The following NCOA2 variants were observed in gnomAD, a reference collection of about 807,000 sequenced individuals.
NCOA2 encodes class E basic helix-loop-helix protein 75.
In NCOA2, 21 loss-of-function variants were observed where a neutral mutation model predicts 145.1. The observed-to-expected ratio is 0.14, with a 90% CI of 0.10 to 0.21. NCOA2 has a LOEUF of 0.21. Ranked by LOEUF, NCOA2 falls within the 10% of genes least tolerant of loss-of-function variation. NCOA2 has a pLI of 1.00. For synonymous variants in NCOA2, 619 were observed against 637.5 expected (o/e 0.97, Z 0.44); for missense variants, 1,472 against 1,837.6 (o/e 0.80, Z 3.64).
intron 4 of NCOA2, among the ~76,000 whole-genome samples, chr8:70,197,192 T>C (rs1306359836): frequency 1.6e-4 from 24 of 152,238 alleles, no homozygotes; most frequent in Admixed American, 1.6e-3. Context: ...ATGGTGAACT[T>C]CAATATACTC....
intron 2 of NCOA2, among the ~76,000 whole-genome samples, chr8:70,287,949 T>A (rs540706794): frequency 1.3e-5 from 2 of 152,200 alleles, no homozygotes; most frequent in East Asian, 3.9e-4. Flanking sequence ...GTTTGTTTGT[T>A]TTAAGAGAAC....
chr8:70,426,839 C>T, the NCOA2 span, among the ~76,000 whole-genome samples: 3 of 152,166 alleles, frequency 2.0e-5, no homozygotes, highest in African/African-American at 7.2e-5. Context: ...CTTGCTGAGG[C>T]TGGAGTGCAG....
At chr8:70,305,719 T>C (rs1051622565) in intron 1 of NCOA2, among the ~76,000 whole-genome samples, 6 of 152,236 alleles carry the variant, frequency 3.9e-5, no homozygotes, top group African/African-American at 1.2e-4. Flanking sequence ...CCATAATGTT[T>C]TAATCAAACA....
the NCOA2 span, among the ~76,000 whole-genome samples, chr8:70,451,830 T>C: frequency 1.3e-5 from 2 of 152,234 alleles, no homozygotes; most frequent in East Asian, 3.8e-4. Context: ...GTTCTCTCCC[T>C]TCACTTATAA....
the NCOA2 span, among the ~76,000 whole-genome samples, chr8:70,454,091 A>G: frequency 6.6e-5 from 10 of 152,244 alleles, no homozygotes; most frequent in African/African-American, 2.2e-4. Flanking sequence ...GTTTTGCTTT[A>G]TATAATTGTA....
intron 1 of NCOA2, among the ~76,000 whole-genome samples, chr8:70,301,165 A>G (rs1276176633): frequency 2.0e-5 from 3 of 152,188 alleles, no homozygotes; most frequent in African/African-American, 7.2e-5. Flanking sequence ...CCAACCTGAA[A>G]ACTGCCTTCT....
In NCOA2 at chr8:70,163,703, C is replaced by A. The variant is rs1429611302; in HGVS notation, c.731-137G>T. 6.3e-6 allele frequency: 4 copies of A among 636,920 alleles called. No homozygotes were observed. The East Asian group carries it at 8.2e-5, about 13-fold the overall frequency. The allele number at this position is 636,920 out of a possible 1,614,324, so 39.5% of individuals were successfully genotyped here. A position where few individuals can be genotyped will look rare whatever the true frequency, so the allele number is the denominator to read the frequency against. On this transcript the variant is annotated intron_variant, in intron 7 of 22. Transcript: ENST00000452400. ...AGTGATGAAACACTATGTACCTGAG[C>A]TTCCTACTGGTTTTATTCTCTTCAT...
chr8:70,444,441 T>C, the NCOA2 span, among the ~76,000 whole-genome samples: 1 of 152,152 alleles, frequency 6.6e-6, no homozygotes. Context: ...GGTGGTTACA[T>C]CAAACTATGC....
chr8:70,172,172 G>C (rs1322530118), intron 5 of NCOA2, among the ~76,000 whole-genome samples: 1 of 151,642 alleles, frequency 6.6e-6, no homozygotes, highest in African/African-American at 2.4e-5. Flanking sequence ...TGCCCAGGCT[G>C]GTCTCAAACT....
At position 70,170,356 on chromosome 8, in the gene NCOA2, T is replaced by A. The variant is rs1036219688; in HGVS notation, c.387A>T (p.Val129=). ...MLEALDGFFF[V]VNLEGNVVFV... ...ACACAACGTTGCCTTCCAGGTTCACTACAAAGAAGAACCCATCAAGGGCCT... is the reference window on the plus strand; with the variant it reads ...ACACAACGTTGCCTTCCAGGTTCACAACAAAGAAGAACCCATCAAGGGCCT... Residue 129 remains valine, a synonymous_variant, in exon 6 of 23, where the codon GTA becomes GTT. Coordinates refer to ENST00000452400, the MANE Select transcript of NCOA2 (RefSeq NM_006540.4). 1.3e-6 allele frequency: 2 copies of A among 1,596,806 alleles called. No homozygotes were observed. Among genetic ancestry groups the A allele is most frequent in the Non-Finnish European group, 8.5e-7 (1 of 1,171,166 alleles).
the NCOA2 span, among the ~76,000 whole-genome samples, chr8:70,446,431 C>G: frequency 2.0e-5 from 3 of 152,194 alleles, no homozygotes; most frequent in African/African-American, 4.8e-5. Context: ...CAAAAACCCT[C>G]CCATTCTCAG....
chr8:70,425,686 T>C, the NCOA2 span, among the ~76,000 whole-genome samples: 1 of 152,242 alleles, frequency 6.6e-6, no homozygotes, highest in Non-Finnish European at 1.5e-5. Context: ...CTGTCTTCTT[T>C]GCTTGCACAC....
chr8:70,298,526 C>T (rs996874760), intron 1 of NCOA2, among the ~76,000 whole-genome samples: 1 of 152,162 alleles, frequency 6.6e-6, no homozygotes, highest in African/African-American at 2.4e-5. Flanking sequence ...TAGGAGTCAT[C>T]AACTCTTTCT....
intron 1 of NCOA2, among the ~76,000 whole-genome samples, chr8:70,371,162 G>C (rs527319063): frequency 6.6e-6 from 1 of 151,920 alleles, no homozygotes; most frequent in South Asian, 2.1e-4. Context: ...GGTGGCAGGC[G>C]CCTATAGTCC....
intron 1 of NCOA2, among the ~76,000 whole-genome samples, chr8:70,337,317 C>T (rs1467173076): frequency 6.6e-6 from 1 of 151,964 alleles, no homozygotes; most frequent in East Asian, 1.9e-4. Context: ...CTCCCAAGGT[C>T]CCTTGTCTGG....
chr8:70,250,901 TATC>T (rs1823112487), intron 2 of NCOA2, among the ~76,000 whole-genome samples: 1 of 152,212 alleles, frequency 6.6e-6, no homozygotes, highest in Non-Finnish European at 1.5e-5. Context: ...CCTGATAAAA[TATC>T]ATGAAATAAT....
intron 15 of NCOA2, among the ~76,000 whole-genome samples, chr8:70,137,702 C>T (rs777706391): frequency 2.0e-5 from 3 of 152,200 alleles, no homozygotes; most frequent in African/African-American, 4.8e-5. Context: ...ACACAGTGTG[C>T]GCCTACCACT....
chr8:70,247,374 T>A (rs962356470), intron 2 of NCOA2, among the ~76,000 whole-genome samples: 7 of 151,722 alleles, frequency 4.6e-5, no homozygotes, highest in Non-Finnish European at 1.5e-5. Flanking sequence ...TCAGAATTTT[T>A]AAGATAATGT....
At chr8:70,245,504 C>A (rs955953973) in intron 2 of NCOA2, 6 of 151,990 alleles carry the variant, frequency 3.9e-5, no homozygotes, top group African/African-American at 1.4e-4. Flanking sequence ...AAGGGAATGT[C>A]TTTTTCTTTT....
Sources: allele counts gnomAD v4.1 joint callset (sites outside exome capture counted in the v4.1 genomes callset), GRCh38; gene constraint gnomAD v4.1.1; transcripts MANE v1.5; gene names NCBI Gene and HGNC (gene_info 2026-07-23, HGNC 2026-07-21).